NUAK2: variants seen among roughly 807,000 people sequenced by gnomAD.
NUAK2 encodes the protein NUAK family SNF1-like kinase 2.
Under a neutral mutation model 29.8 loss-of-function variants are expected in NUAK2, and 20 were observed. The ratio of observed to expected loss-of-function variants is 0.67; its 90% CI spans 0.47 to 0.98. The LOEUF (loss-of-function observed/expected upper bound fraction) is 0.98, where lower values mean the gene tolerates loss of function less well. NUAK2 is among the 50% of genes least tolerant of loss of function. NUAK2 has a pLI of 0.00. For missense variants in NUAK2, 719 were observed against 834.5 expected (o/e 0.86, Z 1.71); for synonymous variants, 331 against 342.6 (o/e 0.97, Z 0.37).
In NUAK2 at chr1:205,308,315, C is replaced by T. The variant is rs1662209252; in HGVS notation, c.505-85G>A. ...CCCAGTCTGGAGACTGAGGTAAACA[C>T]AAAGGGAGCCAAGTGGGCTTGAGCA... On this transcript the variant is annotated intron_variant, in intron 3 of 6. Transcript: ENST00000367157. This position sits in a 1 kb window ranked among gnomAD's most constrained non-coding sequence, Gnocchi z 4.1. 1.9e-6 allele frequency: 2 copies of T among 1,048,526 alleles called. No individual in the cohort carries two copies. The highest frequency in any genetic ancestry group is 2.3e-5 in the Admixed American group (1 of 43,734). The allele number at this position is 1,048,526 out of a possible 1,614,324, so 65.0% of individuals were successfully genotyped here.
intron 1 of NUAK2, among the ~76,000 whole-genome samples, chr1:205,316,126 C>T (rs1007681568): frequency 2.6e-5 from 4 of 152,160 alleles, no homozygotes; most frequent in Admixed American, 2.6e-4. Context: ...GTGGAGATGG[C>T]ATCAAGAGCC....
intron 1 of NUAK2, among the ~76,000 whole-genome samples, chr1:205,312,678 T>C (rs1477896918): frequency 6.6e-6 from 1 of 152,102 alleles, no homozygotes; most frequent in Non-Finnish European, 1.5e-5. Context: ...GGCACATGCC[T>C]GTAGTCCCAG....
chr1:205,310,269 C>T (rs1289975811), intron 2 of NUAK2, among the ~76,000 whole-genome samples: 1 of 151,854 alleles, frequency 6.6e-6, no homozygotes, highest in African/African-American at 2.4e-5. Flanking sequence ...ACCCCTATGG[C>T]TCTCATCATC....
intron 4 of NUAK2, among the ~76,000 whole-genome samples, chr1:205,307,695 G>A (rs968061120): frequency 6.6e-6 from 1 of 152,232 alleles, no homozygotes; most frequent in African/African-American, 2.4e-5. Context: ...GCAGGAAGCT[G>A]GAGCTGGAGT....
At chr1:205,319,278 C>T (rs1028210616) in intron 1 of NUAK2, among the ~76,000 whole-genome samples, 36 of 152,244 alleles carry the variant, frequency 2.4e-4, no homozygotes, top group African/African-American at 8.2e-4. Context: ...TCTTGGCTTC[C>T]TACATAGAGC....
intron 2 of NUAK2, among the ~76,000 whole-genome samples, chr1:205,310,149 AG>A: frequency 6.6e-6 from 1 of 152,380 alleles, no homozygotes; most frequent in Non-Finnish European, 1.5e-5. Flanking sequence ...CCCAGCTTCC[AG>A]GGAATTGGAT....
intron 1 of NUAK2, among the ~76,000 whole-genome samples, chr1:205,318,375 T>A (rs766230156): frequency 9.2e-5 from 14 of 152,160 alleles, no homozygotes; most frequent in Admixed American, 2.0e-4. Flanking sequence ...CAAGACCAAC[T>A]CCCAGTCTAG....
chr1:205,305,424 G>A (rs1456975340), intron 5 of NUAK2, 93 bp from the exon 6 acceptor site: 16 of 1,497,312 alleles, frequency 1.1e-5, no homozygotes, highest in Middle Eastern at 2.4e-4. Context: ...ACCTGAGGAC[G>A]ACCCACCTCT....
intron 1 of NUAK2, among the ~76,000 whole-genome samples, chr1:205,319,839 T>G (rs1448381825): frequency 6.6e-6 from 1 of 152,040 alleles, no homozygotes; most frequent in African/African-American, 2.4e-5. Context: ...ATGAAATGAC[T>G]TCTTGAATTT....
At position 205,311,667 on chromosome 1, in the gene NUAK2, A is replaced by G. The variant is rs367882495; in HGVS notation, c.352+38T>C. 24 of 1,613,092 alleles carry G rather than the reference A, an allele frequency of 1.5e-5. No individual in the cohort carries two copies. The Middle Eastern group carries it at 4.9e-4, about 33-fold the overall frequency. ...CATGTGAACACACACATGCACACAC[A>G]TAGACCCCCAAGTTCCAGCTTTAAG... On this transcript the variant is annotated intron_variant, in intron 2 of 6. Transcript: ENST00000367157.
At chr1:205,315,140 C>G (rs1662309077) in intron 1 of NUAK2, among the ~76,000 whole-genome samples, 1 of 152,146 alleles carries the variant, frequency 6.6e-6, no homozygotes, top group Admixed American at 6.5e-5. Flanking sequence ...GTACGGCTGG[C>G]ACTTTCCAGG....
intron 1 of NUAK2, among the ~76,000 whole-genome samples, chr1:205,315,797 G>C (rs576589871): frequency 6.6e-6 from 1 of 151,994 alleles, no homozygotes; most frequent in African/African-American, 2.4e-5. Flanking sequence ...GCTTGAACCC[G>C]GGAGGGCAGA....
At position 205,308,634 on chromosome 1, in the gene NUAK2, C is replaced by T. The variant is rs199544834; in HGVS notation, c.451G>A (p.Glu151Lys). ...ISERQQLSER[E>K]ARHFFRQIVS... Reference sequence around the variant, plus strand: ...ATCTGCCGGAAGAAATGCCTAGCTTCGCGCTCACTGAGCTGCTGCCGCTCG... The same window carrying T: ...ATCTGCCGGAAGAAATGCCTAGCTTTGCGCTCACTGAGCTGCTGCCGCTCG... Residue 151 changes from glutamate to lysine, a missense_variant, in exon 3 of 7, where the codon GAA becomes AAA. Glu to Lys is a moderately conservative substitution (Grantham distance 56). This residue lies in a region of NUAK2 where 283 missense variants were observed against 345.6 expected (regional missense o/e 0.82). Transcript: ENST00000367157. The surrounding 1 kb of genome is among the most constrained non-coding windows in gnomAD (Gnocchi z 4.1). The T allele has an allele frequency of 5.0e-5, 81 of 1,614,112 alleles. No individual in the cohort carries two copies. The highest frequency in any genetic ancestry group is 5.5e-5 in the South Asian group (5 of 91,074).
At position 205,311,711 on chromosome 1, in the gene NUAK2, G is replaced by A; in HGVS notation, c.346C>T (p.His116Tyr). ...CTTTAAGTGCCCACTGTACCTTCAT[G>A]GATGGCAATGATGTGAGGGTGGTTG... is the stretch of plus-strand genomic sequence containing the variant. ...SLNHPHIIAI[H>Y]EVFENSSKIV... Residue 116 changes from histidine (H) to tyrosine (Y), a missense_variant, in exon 2 of 7, where the codon CAT (histidine) becomes TAT (tyrosine). By Grantham distance (83) the His-to-Tyr change is moderately conservative. Coordinates refer to ENST00000367157, the MANE Select transcript of NUAK2 (RefSeq NM_030952.3). 1.2e-6 allele frequency: 2 copies of A among 1,614,082 alleles called. No individual in the cohort carries two copies. Among genetic ancestry groups the A allele is most frequent in the Non-Finnish European group, 1.7e-6 (2 of 1,179,996 alleles).
chr1:205,316,752 C>T (rs866086049), intron 1 of NUAK2, among the ~76,000 whole-genome samples: 2 of 152,208 alleles, frequency 1.3e-5, no homozygotes, highest in Admixed American at 6.5e-5. Context: ...TTATTATAAG[C>T]AGCCCCATAC....
chr1:205,306,414 G>T, intron 4 of NUAK2, 107 bp from the exon 5 acceptor site: 1 of 1,416,722 alleles, frequency 7.1e-7, no homozygotes, highest in South Asian at 1.4e-5. Context: ...AGCTCCAATA[G>T]AAGGAAAGGG....
rs1662218874 is a variant in NUAK2 at position 205,308,834 on chromosome 1, G to A, written c.353-102C>T. On this transcript the variant is annotated intron_variant, in intron 2 of 6. Coordinates refer to ENST00000367157, the MANE Select transcript of NUAK2 (RefSeq NM_030952.3). This position sits in a 1 kb window ranked among gnomAD's most constrained non-coding sequence, Gnocchi z 4.1. ...CGACCCCAGGCCCCAAACCAGACAGGACCCCCCTCCAGGAATATCTGCTAA... is the reference window on the plus strand; with the variant it reads ...CGACCCCAGGCCCCAAACCAGACAGAACCCCCCTCCAGGAATATCTGCTAA... 2 of 1,346,598 alleles carry A rather than the reference G, an allele frequency of 1.5e-6. No homozygotes were observed. The highest frequency in any genetic ancestry group is 1.9e-5 in the Admixed American group (1 of 53,406). 83.4% of individuals were successfully genotyped at this position (1,346,598 alleles called of 1,614,324 possible).
chr1:205,314,908 G>A (rs1293059807), intron 1 of NUAK2, among the ~76,000 whole-genome samples: 1 of 152,112 alleles, frequency 6.6e-6, no homozygotes, highest in East Asian at 1.9e-4. Context: ...TCCAAAAAAG[G>A]GAGAAAGGGG....
intron 2 of NUAK2, among the ~76,000 whole-genome samples, chr1:205,309,010 C>A (rs905404161): frequency 1.7e-4 from 26 of 151,794 alleles, no homozygotes; most frequent in African/African-American, 6.3e-4. Context: ...TGACCCTGCC[C>A]TTTCAGGAAG....
Sources: gnomAD v4.1 joint callset for allele counts (sites outside exome capture counted in the v4.1 genomes callset) on GRCh38, gnomAD v4.1.1 for gene constraint, gnomAD v4.1.1 regional missense constraint, Gnocchi (gnomAD v3.1) non-coding constraint, MANE v1.5 for transcripts, NCBI Gene and HGNC (gene_info 2026-07-23, HGNC 2026-07-21) for gene names.